TMEM25: variants seen among roughly 807,000 people sequenced by gnomAD.
TMEM25 encodes the protein transmembrane protein 25, also known as 0610039J01Rik.
A neutral mutation model predicts 37.0 loss-of-function variants in TMEM25; 36 were observed. The observed-to-expected ratio is 0.97, with a 90% CI of 0.75 to 1.28. The LOEUF (loss-of-function observed/expected upper bound fraction) is 1.28. Ranked by LOEUF, TMEM25 falls within the 50% of genes most tolerant of loss-of-function variation. The pLI, the probability that TMEM25 is intolerant of heterozygous loss-of-function variation, is 0.00. For synonymous variants in TMEM25, 197 were observed against 203.7 expected (o/e 0.97, Z 0.28); for missense variants, 444 against 477.9 (o/e 0.93, Z 0.66).
chr11:118,533,449 C>T lies in TMEM25; in HGVS notation c.703C>T (p.Leu235=), dbSNP rs1555060895. ...GLLATRVEVP[L]LGIVVAAGLA... is the part of the protein sequence containing the mutation. Reference sequence around the variant, plus strand: ...TCTGGCTACCCGGGTGGAAGTGCCACTGCTGGGCATTGTTGTGGCTGCTGG... The same window carrying T: ...TCTGGCTACCCGGGTGGAAGTGCCATTGCTGGGCATTGTTGTGGCTGCTGG... The change falls in exon 5 of 9, where the codon CTG becomes TTG. Residue 235 remains leucine (L), a synonymous_variant. Coordinates refer to ENST00000313236, the MANE Select transcript of TMEM25 (RefSeq NM_032780.4). 6.2e-7 allele frequency: 1 copy of T among 1,614,146 alleles called. No homozygotes were observed. Among genetic ancestry groups the T allele is most frequent in the Admixed American group, 1.7e-5 (1 of 60,026 alleles).
In TMEM25 at chr11:118,535,230, T is replaced by C; in HGVS notation, c.*650T>C. 1 of 1,136,372 alleles carries C rather than the reference T, an allele frequency of 8.8e-7. No individual in the cohort carries two copies. Among genetic ancestry groups the C allele is most frequent in the Non-Finnish European group, 1.1e-6 (1 of 926,460 alleles). The allele number at this position is 1,136,372 out of a possible 1,614,324, so 70.4% of individuals were successfully genotyped here. A position where few individuals can be genotyped will look rare whatever the true frequency, so the allele number is the denominator to read the frequency against. On this transcript the variant is annotated 3_prime_UTR_variant, in exon 9 of 9. Coordinates refer to ENST00000313236, the MANE Select transcript of TMEM25 (RefSeq NM_032780.4). ...ATTCTAGGTTACACGTTGGACCTTC[T>C]CTACTACTTCACTGGGCACTAGACT...
In TMEM25 at chr11:118,535,393, T is replaced by C. The variant is rs1555062767; in HGVS notation, c.*813T>C. 3.5e-6 allele frequency: 5 copies of C among 1,427,752 alleles called. No homozygotes were observed. The East Asian group carries it at 7.6e-5, about 22-fold the overall frequency. 88.4% of individuals were successfully genotyped at this position (1,427,752 alleles called of 1,614,324 possible). A position where few individuals can be genotyped will look rare whatever the true frequency, so the allele number is the denominator to read the frequency against. ...GCGTTAGCACTTTAAGCACATCCCC[T>C]AGGGGAGGGGGTGAGTGAGGGGCCC... On this transcript the variant is annotated 3_prime_UTR_variant, in exon 9 of 9. Transcript: ENST00000313236.
rs553423236 is a variant in TMEM25 at position 118,533,660 on chromosome 11, T to A, written c.805+109T>A. 3.1e-5 allele frequency: 49 copies of A among 1,597,520 alleles called. No homozygotes were observed. In the African/African-American group the frequency reaches 6.4e-4, roughly 21 times the overall value. ...TCATCTCTGACGGTGGCAGAGCACT[T>A]CCAGGGGGTGGCCATGGGTACGGTG... On this transcript the variant is annotated intron_variant, in intron 5 of 8. Coordinates refer to ENST00000313236, the MANE Select transcript of TMEM25 (RefSeq NM_032780.4).
chr11:118,533,264 C>A, intron 4 of TMEM25, 57 bp downstream of exon 4: 1 of 1,557,758 alleles, frequency 6.4e-7, no homozygotes, highest in South Asian at 1.2e-5. Flanking sequence ...GGGGTCCCGT[C>A]CCCATACAGA....
chr11:118,540,256 G>A (rs1951561908), downstream of TMEM25, among the ~76,000 whole-genome samples: 2 of 151,876 alleles, frequency 1.3e-5, no homozygotes, highest in African/African-American at 4.8e-5. Flanking sequence ...ACTACGGGTT[G>A]GCTTGGCTTC....
chr11:118,535,695 A>G lies in TMEM25; in HGVS notation c.*1115A>G. The G allele has an allele frequency of 6.9e-7, 1 of 1,454,754 alleles. No individual in the cohort carries two copies. Among genetic ancestry groups the G allele is most frequent in the Non-Finnish European group, 9.1e-7 (1 of 1,104,434 alleles). The allele number at this position is 1,454,754 out of a possible 1,614,324, so 90.1% of individuals were successfully genotyped here. ...ACCTAAGAACACTTTAAAAAGCAACATGTAAATGATTGGAAATTAATATAG... is the reference window on the plus strand; with the variant it reads ...ACCTAAGAACACTTTAAAAAGCAACGTGTAAATGATTGGAAATTAATATAG... On this transcript the variant is annotated 3_prime_UTR_variant, in exon 9 of 9. Coordinates refer to ENST00000313236, the MANE Select transcript of TMEM25 (RefSeq NM_032780.4).
downstream of TMEM25, among the ~76,000 whole-genome samples, chr11:118,536,550 C>T (rs1951513305): frequency 6.6e-6 from 1 of 152,202 alleles, no homozygotes; most frequent in Non-Finnish European, 1.5e-5. Context: ...ATATAGCAAG[C>T]ACCTGTATAC....
chr11:118,531,300 C>G lies in TMEM25; in HGVS notation c.-28+66C>G, dbSNP rs537957515. 1.1e-4 allele frequency: 36 copies of G among 341,534 alleles called. 1 individual carries two copies. The East Asian group carries it at 2.8e-3, about 27-fold the overall frequency. 21.2% of individuals were successfully genotyped at this position (341,534 alleles called of 1,614,324 possible). On this transcript the variant is annotated intron_variant, in intron 1 of 8. Coordinates refer to ENST00000313236, the MANE Select transcript of TMEM25 (RefSeq NM_032780.4). ...GGCGACCCCACCCTCCGACCCTCTC[C>G]TCTTCCGCCGACATCCACCGGAGCC...
intron 8 of TMEM25, chr11:118,545,035 A>G (rs1393974976): frequency 1.3e-6 from 2 of 1,490,348 alleles, no homozygotes; most frequent in Admixed American, 1.7e-5. Context: ...GAGAGGGAAT[A>G]TTGAGTATTA....
chr11:118,532,378 G>C lies in TMEM25; in HGVS notation c.299G>C (p.Arg100Pro), dbSNP rs1173722589. ...GTSTFTVTAH[R>P]AQHELNCSLQ... ...AGCACCTTCACTGTCACTGCCCATCGGGCCCAGCATGAGCTCAACTGCTCT... is the reference window on the plus strand; with the variant it reads ...AGCACCTTCACTGTCACTGCCCATCCGGCCCAGCATGAGCTCAACTGCTCT... The change falls in exon 3 of 9, where the codon CGG (arginine) becomes CCG (proline). Residue 100 changes from arginine (R) to proline (P), a missense_variant. Transcript: ENST00000313236. 2 of 1,614,144 alleles carry C rather than the reference G, an allele frequency of 1.2e-6. No individual in the cohort carries two copies. The highest frequency in any genetic ancestry group is 1.7e-6 in the Non-Finnish European group (2 of 1,180,022).
In TMEM25 at chr11:118,534,538, C is replaced by CT; in HGVS notation, c.1060dup (p.Tyr354LeufsTer9). 1 of 1,614,244 alleles carries CT rather than the reference C, an allele frequency of 6.2e-7. No homozygotes were observed. The highest frequency in any genetic ancestry group is 8.5e-7 in the Non-Finnish European group (1 of 1,180,046). On this transcript the variant is annotated frameshift_variant, in exon 9 of 9. Transcript: ENST00000313236. LOFTEE classifies it high-confidence loss of function. This position sits in a 1 kb window ranked among gnomAD's most constrained non-coding sequence, Gnocchi z 4.6. Reference sequence around the variant, plus strand: ...TCCGCCTCCCAGTGCTGGGCTATATCTATCGAGTGTCCAGCGTGAGCAGTG... The same window carrying CT: ...TCCGCCTCCCAGTGCTGGGCTATATCTTATCGAGTGTCCAGCGTGAGCAGTG...
In TMEM25 at chr11:118,535,294, G is replaced by A; in HGVS notation, c.*714G>A. The A allele has an allele frequency of 1.5e-6, 2 of 1,305,442 alleles. No homozygotes were observed. Among genetic ancestry groups the A allele is most frequent in the Non-Finnish European group, 1.9e-6 (2 of 1,026,986 alleles). The allele number at this position is 1,305,442 out of a possible 1,614,324, so 80.9% of individuals were successfully genotyped here. A position where few individuals can be genotyped will look rare whatever the true frequency, so the allele number is the denominator to read the frequency against. ...GTGCCATCGCCCAGTATTAGCACAA[G>A]TTAGGGAGGAAGAGGCAGGCGATGA... On this transcript the variant is annotated 3_prime_UTR_variant, in exon 9 of 9. Coordinates refer to ENST00000313236, the MANE Select transcript of TMEM25 (RefSeq NM_032780.4).
At chr11:118,546,617 T>G (rs1185390583), downstream of TMEM25, 1 of 159,450 alleles carries the variant, frequency 6.3e-6, no homozygotes, top group Non-Finnish European at 1.4e-5. Flanking sequence ...CAGTCTATGG[T>G]ACTTTGTTAT....
chr11:118,533,935 T>C, intron 6 of TMEM25, 48 bp downstream of exon 6: 1 of 1,613,998 alleles, frequency 6.2e-7, no homozygotes, highest in Non-Finnish European at 8.5e-7. Flanking sequence ...AAATGCAGGA[T>C]GGGGACAGGA....
chr11:118,531,341 G>A, intron 1 of TMEM25, 107 bp downstream of exon 1: 2 of 333,334 alleles, frequency 6.0e-6, no homozygotes, highest in Non-Finnish European at 1.1e-5. Flanking sequence ...CATCAGGAAA[G>A]GGGGCGTAGG....
In TMEM25 at chr11:118,534,091, C is replaced by A; in HGVS notation, c.899C>A (p.Ser300Tyr). Residue 300 changes from serine (S) to tyrosine (Y), a missense_variant, in exon 7 of 9, where the codon TCC becomes TAC. Physicochemically the swap from Ser to Tyr is moderately radical, Grantham distance 144 (BLOSUM62 -2). Transcript: ENST00000313236. This position sits in a 1 kb window ranked among gnomAD's most constrained non-coding sequence, Gnocchi z 4.6. ...RLPRENMSLP[S>Y]NLQLNDLTPD... ...CCACGGGAGAACATGTCCCTCCCGT[C>A]CAACCTTCAGCTCAATGACCTCACT... 3.1e-6 allele frequency: 5 copies of A among 1,614,186 alleles called. No individual in the cohort carries two copies. Among genetic ancestry groups the A allele is most frequent in the Non-Finnish European group, 4.2e-6 (5 of 1,180,028 alleles).
At chr11:118,542,131 G>T (rs944009425) in intron 8 of TMEM25, among the ~76,000 whole-genome samples, 1 of 152,162 alleles carries the variant, frequency 6.6e-6, no homozygotes, top group Admixed American at 6.6e-5. Flanking sequence ...TTAGAATTCT[G>T]GGGGCCGGGA....
rs1555062925 is a variant in TMEM25 at position 118,535,591 on chromosome 11, T to C, written c.*1011T>C. ...GGAAGGTGCCCTTCCTGGAGGATGGTCGCCACAGGCACATAATTCAACAGT... is the reference window on the plus strand; with the variant it reads ...GGAAGGTGCCCTTCCTGGAGGATGGCCGCCACAGGCACATAATTCAACAGT... On this transcript the variant is annotated 3_prime_UTR_variant, in exon 9 of 9. Transcript: ENST00000313236. 2.6e-6 allele frequency: 4 copies of C among 1,534,526 alleles called. No individual in the cohort carries two copies. Among genetic ancestry groups the C allele is most frequent in the Non-Finnish European group, 3.5e-6 (4 of 1,146,484 alleles).
At chr11:118,543,979 G>A (rs1337074258) in intron 8 of TMEM25, among the ~76,000 whole-genome samples, 1 of 151,894 alleles carries the variant, frequency 6.6e-6, no homozygotes, top group African/African-American at 2.4e-5. Flanking sequence ...GCTAACTTTT[G>A]TATTATTAGT....
Sources: gnomAD v4.1 joint callset for allele counts (sites outside exome capture counted in the v4.1 genomes callset) on GRCh38, gnomAD v4.1.1 for gene constraint, Gnocchi (gnomAD v3.1) non-coding constraint, MANE v1.5 for transcripts, NCBI Gene and HGNC (gene_info 2026-07-23, HGNC 2026-07-21) for gene names.